The following DDX10 variants were observed in gnomAD, a reference collection of about 807,000 sequenced individuals.
The protein encoded by DDX10 is DEAD-box helicase 10.
DDX10 carries 74 observed loss-of-function variants against 104.3 expected under a neutral mutation model. The observed-to-expected ratio is 0.71, with a 90% CI of 0.59 to 0.86. The LOEUF (loss-of-function observed/expected upper bound fraction) is 0.86. Among genes scored for constraint, DDX10 ranks in the 40% least tolerant of loss-of-function variants. DDX10 has a pLI of 0.00. For missense variants in DDX10, 952 were observed against 1,040.0 expected (o/e 0.92, Z 1.16); for synonymous variants, 351 against 353.4 (o/e 0.99, Z 0.08).
intron 13 of DDX10, among the ~76,000 whole-genome samples, chr11:108,820,596 C>G (rs576072967): frequency 6.6e-6 from 1 of 152,288 alleles, no homozygotes; most frequent in East Asian, 1.9e-4. Context: ...TGGATGCCTG[C>G]AGTCATCTGA....
intron 13 of DDX10, among the ~76,000 whole-genome samples, chr11:108,768,224 G>C (rs1447358263): frequency 6.6e-6 from 1 of 152,168 alleles, no homozygotes; most frequent in Non-Finnish European, 1.5e-5. Context: ...TGGGGTGGTG[G>C]GAAGTGAGGG....
chr11:108,775,548 T>G (rs892023361), intron 13 of DDX10, among the ~76,000 whole-genome samples: 15 of 152,228 alleles, frequency 9.9e-5, no homozygotes, highest in Non-Finnish European at 1.8e-4. Context: ...TGCCTAACTA[T>G]GCTGGTTAGC....
intron 16 of DDX10, among the ~76,000 whole-genome samples, chr11:108,854,908 G>A (rs182751460): frequency 1.6e-3 from 244 of 152,256 alleles, no homozygotes; most frequent in Middle Eastern, 6.8e-3. Flanking sequence ...ATAAACTAAA[G>A]TTGGAATGGA....
At chr11:108,868,880 G>A (rs1863042029) in intron 16 of DDX10, among the ~76,000 whole-genome samples, 1 of 151,850 alleles carries the variant, frequency 6.6e-6, no homozygotes, top group East Asian at 1.9e-4. Flanking sequence ...TGAGATGAAG[G>A]TAAGAGGAGC....
At chr11:108,865,378 A>G (rs2134618326) in intron 16 of DDX10, among the ~76,000 whole-genome samples, 1 of 152,218 alleles carries the variant, frequency 6.6e-6, no homozygotes, top group South Asian at 2.1e-4. Context: ...GAGCCGATGA[A>G]CTATTATCTG....
intron 13 of DDX10, among the ~76,000 whole-genome samples, chr11:108,763,466 A>G (rs2094353076): frequency 6.6e-6 from 1 of 152,224 alleles, no homozygotes. Flanking sequence ...ATTACCAGGT[A>G]GGAGATCTGT....
At chr11:108,907,431 G>A (rs1863612242) in intron 16 of DDX10, among the ~76,000 whole-genome samples, 1 of 151,608 alleles carries the variant, frequency 6.6e-6, no homozygotes, top group African/African-American at 2.4e-5. Context: ...CACCTCTCAG[G>A]ATCAAGTGAT....
Position 108,699,561 on chromosome 11 carries a change from G to T in DDX10, c.1223+5961G>T, listed in dbSNP as rs549203653. Among the ~76,000 whole-genome samples the T allele has an allele frequency of 2.0e-5, 3 of 152,308 alleles. No individual in the cohort carries two copies. In the South Asian group the frequency reaches 6.2e-4, roughly 32 times the overall value. On this transcript the variant is annotated intron_variant, in intron 9 of 17. Coordinates refer to ENST00000322536, the MANE Select transcript of DDX10 (RefSeq NM_004398.4). ...CACAACATGGTAACTGACCTCATCAGAGAGGGCAAATGACAGCTGAGGGAG... is the reference window on the plus strand; with the variant it reads ...CACAACATGGTAACTGACCTCATCATAGAGGGCAAATGACAGCTGAGGGAG...
At chr11:108,930,234 C>CAT (rs1863959673) in intron 17 of DDX10, among the ~76,000 whole-genome samples, 1 of 152,152 alleles carries the variant, frequency 6.6e-6, no homozygotes, top group Admixed American at 6.5e-5. Flanking sequence ...TCTGGAATGC[C>CAT]ATATGGGTGG....
At chr11:108,867,979 T>G (rs1863029017) in intron 16 of DDX10, among the ~76,000 whole-genome samples, 1 of 152,108 alleles carries the variant, frequency 6.6e-6, no homozygotes, top group Admixed American at 6.5e-5. Flanking sequence ...GACTTAAAGA[T>G]CTCTTTCATT....
chr11:108,771,391 A>T (rs2094362949), intron 13 of DDX10, among the ~76,000 whole-genome samples: 1 of 150,392 alleles, frequency 6.6e-6, no homozygotes, highest in Admixed American at 6.6e-5. Context: ...ATGGAGTCTC[A>T]CTCTGTCACC....
intron 13 of DDX10, among the ~76,000 whole-genome samples, chr11:108,746,153 T>C (rs2094331651): frequency 6.6e-6 from 1 of 152,128 alleles, no homozygotes; most frequent in South Asian, 2.1e-4. Flanking sequence ...AAGTAAATAA[T>C]GAGGGCTAAT....
At chr11:108,666,182 CAGAT>C (rs750799823) in intron 1 of DDX10, among the ~76,000 whole-genome samples, 1 of 152,200 alleles carries the variant, frequency 6.6e-6, no homozygotes, top group Non-Finnish European at 1.5e-5. Context: ...AGGGATTTAA[CAGAT>C]GGAACATTCT....
chr11:108,895,727 A>G (rs1863431854), intron 16 of DDX10, among the ~76,000 whole-genome samples: 1 of 152,116 alleles, frequency 6.6e-6, no homozygotes, highest in Non-Finnish European at 1.5e-5. Flanking sequence ...CAGAGCTAGT[A>G]GCAGAGGAAA....
chr11:108,897,426 A>G (rs965523010), intron 16 of DDX10, among the ~76,000 whole-genome samples: 2 of 152,212 alleles, frequency 1.3e-5, no homozygotes, highest in African/African-American at 4.8e-5. Context: ...GTACCCAAAA[A>G]GTTGAGTCAC....
intron 16 of DDX10, among the ~76,000 whole-genome samples, chr11:108,882,136 A>G (rs1412429695): frequency 1.3e-5 from 2 of 152,172 alleles, no homozygotes; most frequent in African/African-American, 4.8e-5. Context: ...AGAAAATTAG[A>G]AAAGCATCCC....
chr11:108,917,166 G>A (rs779855839), intron 16 of DDX10, among the ~76,000 whole-genome samples: 15 of 150,918 alleles, frequency 9.9e-5, no homozygotes, highest in African/African-American at 2.9e-4. Context: ...TCTGGCACAC[G>A]AGATCTTCCT....
chr11:108,934,570 A>G (rs570556578), intron 17 of DDX10, among the ~76,000 whole-genome samples: 1 of 152,326 alleles, frequency 6.6e-6, no homozygotes, highest in East Asian at 1.9e-4. Flanking sequence ...ACATTTATGT[A>G]ATGGATAGAG....
chr11:108,753,346 A>G (rs188230603), intron 13 of DDX10, among the ~76,000 whole-genome samples: 64 of 152,238 alleles, frequency 4.2e-4, no homozygotes, highest in African/African-American at 1.4e-3. Context: ...TCCTTTTAAA[A>G]TAAAGATTGT....
Sources: allele counts gnomAD v4.1 joint callset (sites outside exome capture counted in the v4.1 genomes callset), GRCh38; gene constraint gnomAD v4.1.1; transcripts MANE v1.5; gene names NCBI Gene and HGNC (gene_info 2026-07-23, HGNC 2026-07-21).